Variants in VPS37A observed in about 807,000 individuals in gnomAD.
VPS37A encodes the protein VPS37A subunit of ESCRT-I.
In VPS37A, 30 loss-of-function variants were observed where a neutral mutation model predicts 49.8. The ratio of observed to expected loss-of-function variants is 0.60; its 90% CI spans 0.45 to 0.82. VPS37A has a LOEUF of 0.82. VPS37A is among the 40% of genes least tolerant of loss of function. VPS37A has a pLI of 0.00. For missense variants in VPS37A, 593 were observed against 464.4 expected, an observed-to-expected ratio of 1.28 and a Z score of -2.55; for synonymous variants, 195 against 160.6, an observed-to-expected ratio of 1.21 and a Z score of -1.62.
chr8:17,326,361 C>A, the VPS37A span: 1 of 152,200 alleles, frequency 6.6e-6, no homozygotes, highest in Non-Finnish European at 1.5e-5. Context: ...CTTAAAAAAT[C>A]TGAACCGTGT....
At chr8:17,300,749 T>C (rs1817057453), downstream of VPS37A, among the ~76,000 whole-genome samples, 1 of 152,208 alleles carries the variant, frequency 6.6e-6, no homozygotes, top group African/African-American at 2.4e-5. Flanking sequence ...GAAAACCCCA[T>C]ACTCATTAGC....
the VPS37A span, among the ~76,000 whole-genome samples, chr8:17,317,889 T>C: frequency 2.0e-5 from 3 of 152,300 alleles, no homozygotes; most frequent in Admixed American, 1.3e-4. Flanking sequence ...TCTTTCAATC[T>C]CCCGTCCTTC....
Position 17,297,268 on chromosome 8 carries a change from C to A in VPS37A, c.*2282C>A, listed in dbSNP as rs1251286932. ...TAATATCTTAAAATAGAAGAAAATT[C>A]TAAATCAATCAATCAGTGAGATATA... On this transcript the variant is annotated 3_prime_UTR_variant, in exon 12 of 12. Transcript: ENST00000324849. 2 of 151,838 alleles carry A rather than the reference C, an allele frequency of 1.3e-5. No homozygotes were observed. The highest frequency in any genetic ancestry group is 4.8e-5 in the African/African-American group (2 of 41,384). The allele number at this position is 151,838 out of a possible 1,614,324, so 9.4% of individuals were successfully genotyped here.
At chr8:17,280,180 A>C in intron 7 of VPS37A, 25 bp downstream of exon 7, 2 of 1,610,774 alleles carry the variant, frequency 1.2e-6, no homozygotes, top group Non-Finnish European at 8.5e-7. Flanking sequence ...TCCTGAGCGC[A>C]CATTTCCTGA....
At chr8:17,270,511 G>T (rs1813875930) in intron 4 of VPS37A, among the ~76,000 whole-genome samples, 1 of 152,132 alleles carries the variant, frequency 6.6e-6, no homozygotes, top group Non-Finnish European at 1.5e-5. Flanking sequence ...AAGAGAGAGA[G>T]CATTCCAACC....
intron 11 of VPS37A, among the ~76,000 whole-genome samples, chr8:17,293,924 G>A (rs1225145740): frequency 6.6e-6 from 1 of 152,202 alleles, no homozygotes; most frequent in Non-Finnish European, 1.5e-5. Context: ...CAGGAGGCAC[G>A]GTGGTCAGAG....
chr8:17,325,070 C>G, the VPS37A span, among the ~76,000 whole-genome samples: 2 of 152,094 alleles, frequency 1.3e-5, no homozygotes, highest in Middle Eastern at 3.2e-3. Context: ...TTAGCCAGCA[C>G]TCCATAAAGA....
intron 4 of VPS37A, chr8:17,272,120 A>T (rs1221016270): frequency 4.4e-6 from 2 of 455,848 alleles, no homozygotes; most frequent in Non-Finnish European, 8.8e-6. Flanking sequence ...ACTTTCCACT[A>T]ATAAAAAGTT....
intron 4 of VPS37A, among the ~76,000 whole-genome samples, chr8:17,271,718 C>A (rs1020410907): frequency 6.6e-6 from 1 of 152,204 alleles, no homozygotes; most frequent in African/African-American, 2.4e-5. Context: ...AGTGAGGCTG[C>A]TGAGAGACAA....
the VPS37A span, among the ~76,000 whole-genome samples, chr8:17,331,455 C>G: frequency 6.6e-6 from 1 of 152,186 alleles, no homozygotes; most frequent in African/African-American, 2.4e-5. Context: ...TTCAGGGACT[C>G]CTGCTGAGCT....
chr8:17,273,367 T>C (rs1814193253), intron 4 of VPS37A, among the ~76,000 whole-genome samples: 1 of 152,026 alleles, frequency 6.6e-6, no homozygotes, highest in Admixed American at 6.6e-5. Context: ...CCCTCCAGAG[T>C]AGTTGTACCA....
rs142413230 is a variant in VPS37A at position 17,279,300 on chromosome 8, C to G, written c.714-728C>G. Among the ~76,000 whole-genome samples the G allele has an allele frequency of 3.7e-3, 566 of 152,128 alleles. 3 individuals are homozygous for G. The highest frequency in any genetic ancestry group is 9.0e-3 in the African/African-American group (374 of 41,528). On this transcript the variant is annotated intron_variant, in intron 6 of 11. Coordinates refer to ENST00000324849, the MANE Select transcript of VPS37A (RefSeq NM_152415.3). ...CACATCCTTGGAATCATGCACTGAC[C>G]TGGTCTAAAGCTGACTAGAGGAAAA...
intron 9 of VPS37A, among the ~76,000 whole-genome samples, 167 bp from the exon 10 acceptor site, chr8:17,284,306 A>C (rs1815382416): frequency 6.6e-6 from 1 of 152,220 alleles, no homozygotes; most frequent in Non-Finnish European, 1.5e-5. Flanking sequence ...CCCTATCCAA[A>C]AGCTAAGGAC....
chr8:17,271,255 T>C (rs1813958469), intron 4 of VPS37A, among the ~76,000 whole-genome samples: 1 of 152,222 alleles, frequency 6.6e-6, no homozygotes, highest in African/African-American at 2.4e-5. Context: ...TTAGCCTCTT[T>C]TTCATTTGGT....
intron 1 of VPS37A, among the ~76,000 whole-genome samples, chr8:17,262,151 T>C (rs1813018759): frequency 6.6e-6 from 1 of 152,140 alleles, no homozygotes; most frequent in Admixed American, 6.5e-5. Context: ...TCCGATTCTC[T>C]TACCATCTGC....
intron 1 of VPS37A, among the ~76,000 whole-genome samples, chr8:17,264,949 G>T (rs1344512312): frequency 6.6e-6 from 1 of 152,168 alleles, no homozygotes; most frequent in African/African-American, 2.4e-5. Flanking sequence ...AATGTAGAAT[G>T]TTAAAGTATC....
chr8:17,302,200 T>C, downstream of VPS37A: 1 of 1,614,144 alleles, frequency 6.2e-7, no homozygotes, highest in South Asian at 1.1e-5. Flanking sequence ...AGTTTCTTCC[T>C]TCACTGCCAT....
chr8:17,327,480 T>C, the VPS37A span, among the ~76,000 whole-genome samples: 7 of 152,232 alleles, frequency 4.6e-5, no homozygotes, highest in East Asian at 1.2e-3. Context: ...AGGGTCTCAC[T>C]GTGTTGCCCA....
At chr8:17,324,665 T>A in the VPS37A span, among the ~76,000 whole-genome samples, 5 of 152,258 alleles carry the variant, frequency 3.3e-5, no homozygotes, top group Admixed American at 2.6e-4. Context: ...CCTAACAGGC[T>A]GCTGGTCTAG....
Sources: allele counts gnomAD v4.1 joint callset (sites outside exome capture counted in the v4.1 genomes callset), GRCh38; gene constraint gnomAD v4.1.1; transcripts MANE v1.5; gene names NCBI Gene and HGNC (gene_info 2026-07-23, HGNC 2026-07-21).